EBF1: variants seen among roughly 807,000 people sequenced by gnomAD.
EBF1 encodes EBF transcription factor 1.
A neutral mutation model predicts 68.4 loss-of-function variants in EBF1; 10 were observed. The observed-to-expected ratio is 0.15, with a 90% CI of 0.09 to 0.25. The LOEUF (loss-of-function observed/expected upper bound fraction) is 0.25, where lower values mean the gene tolerates loss of function less well. Ranked by LOEUF, EBF1 falls within the 10% of genes least tolerant of loss-of-function variation. EBF1 has a pLI of 1.00. For synonymous variants in EBF1, 298 were observed against 299.8 expected (o/e 0.99, Z 0.06); for missense variants, 509 against 794.4 (o/e 0.64, Z 4.32).
chr5:158,938,362 G>T (rs1245200491), intron 6 of EBF1, among the ~76,000 whole-genome samples: 1 of 152,052 alleles, frequency 6.6e-6, no homozygotes, highest in African/African-American at 2.4e-5. Flanking sequence ...CTCTGCTCCA[G>T]CATTATAAGC....
intron 4 of EBF1, among the ~76,000 whole-genome samples, chr5:159,091,653 T>C (rs575888462): frequency 4.6e-5 from 7 of 152,332 alleles, no homozygotes; most frequent in African/African-American, 1.7e-4. Context: ...CAAATCTATG[T>C]AGCCATGGCA....
Position 158,993,586 on chromosome 5 carries a change from C to CT in EBF1, c.554+79809dup, listed in dbSNP as rs1760806627. Among the ~76,000 whole-genome samples, 5 of 152,170 alleles carry CT rather than the reference C, an allele frequency of 3.3e-5. No individual in the cohort carries two copies. In the South Asian group the frequency reaches 1.0e-3, roughly 32 times the overall value. ...AATATTTGGAGTTAGACATCAACTA[C>CT]TCAAAGGGCAAGTCATTTCACTACT... On this transcript the variant is annotated intron_variant, in intron 6 of 15. Coordinates refer to ENST00000313708, the MANE Select transcript of EBF1 (RefSeq NM_024007.5).
chr5:158,869,869 A>G (rs1796582112), intron 6 of EBF1, among the ~76,000 whole-genome samples: 2 of 152,186 alleles, frequency 1.3e-5, no homozygotes, highest in Admixed American at 6.6e-5. Flanking sequence ...TGAATGAGAA[A>G]GAGGCATGTC....
intron 6 of EBF1, among the ~76,000 whole-genome samples, chr5:158,845,920 C>G (rs1324987922): frequency 6.6e-6 from 1 of 152,176 alleles, no homozygotes. Context: ...TGCAATCAAT[C>G]TGGGCTGAGC....
intron 6 of EBF1, among the ~76,000 whole-genome samples, chr5:159,056,500 CA>C (rs1379677372): frequency 6.6e-6 from 1 of 152,140 alleles, no homozygotes; most frequent in Non-Finnish European, 1.5e-5. Flanking sequence ...GAGACTATGC[CA>C]GGGGCTAATA....
At chr5:158,829,099 T>C (rs1786877450) in intron 7 of EBF1, among the ~76,000 whole-genome samples, 1 of 152,190 alleles carries the variant, frequency 6.6e-6, no homozygotes, top group Non-Finnish European at 1.5e-5. Context: ...TGTATAATAC[T>C]GTAATGATGT....
chr5:159,034,634 G>T (rs1212373714), intron 6 of EBF1, among the ~76,000 whole-genome samples: 1 of 152,110 alleles, frequency 6.6e-6, no homozygotes, highest in African/African-American at 2.4e-5. Flanking sequence ...ACTCCATCTT[G>T]CCTGTACCAT....
intron 6 of EBF1, among the ~76,000 whole-genome samples, chr5:159,057,676 A>G (rs1775027879): frequency 6.6e-6 from 1 of 152,172 alleles, no homozygotes; most frequent in African/African-American, 2.4e-5. Flanking sequence ...TTTGGGCAAC[A>G]TTGCTGTGCT....
At chr5:158,839,937 A>T (rs1197126737) in intron 7 of EBF1, 92 bp downstream of exon 7, 1 of 1,299,370 alleles carries the variant, frequency 7.7e-7, no homozygotes, top group Non-Finnish European at 1.1e-6. Flanking sequence ...ACCTCTGGGA[A>T]AAAAAGCTAC....
At chr5:159,038,423 C>G (rs17056465) in intron 6 of EBF1, among the ~76,000 whole-genome samples, 1 of 152,102 alleles carries the variant, frequency 6.6e-6, no homozygotes, top group East Asian at 1.9e-4. Flanking sequence ...CCTACCTACT[C>G]ATATCAAAGG....
chr5:159,039,007 T>A (rs1407007545), intron 6 of EBF1, among the ~76,000 whole-genome samples: 2 of 152,202 alleles, frequency 1.3e-5, no homozygotes, highest in African/African-American at 4.8e-5. Flanking sequence ...GTTTACTTCC[T>A]TTAGAAAATT....
At chr5:158,917,546 T>A (rs1807482295) in intron 6 of EBF1, among the ~76,000 whole-genome samples, 1 of 152,194 alleles carries the variant, frequency 6.6e-6, no homozygotes, top group Non-Finnish European at 1.5e-5. Flanking sequence ...TACACACTTG[T>A]TAGTGGTTAT....
chr5:158,989,722 G>T (rs1284082392), intron 6 of EBF1, among the ~76,000 whole-genome samples: 1 of 150,738 alleles, frequency 6.6e-6, no homozygotes, highest in Admixed American at 6.6e-5. Context: ...GAGGTCAAGT[G>T]CCTATCACAG....
chr5:158,935,349 C>T lies in EBF1; in HGVS notation c.555-95239G>A, dbSNP rs114095875. On this transcript the variant is annotated intron_variant, in intron 6 of 15. Coordinates refer to ENST00000313708, the MANE Select transcript of EBF1 (RefSeq NM_024007.5). ...AGGAGCTGAGGACACATTCCGGAGA[C>T]GCAAATGTGCTGCTGCAGCACAGCC... is the stretch of plus-strand genomic sequence containing the variant. Among the ~76,000 whole-genome samples the T allele has an allele frequency of 3.7e-3, 557 of 152,292 alleles. 4 individuals are homozygous for T. The highest frequency in any genetic ancestry group is 0.012 in the African/African-American group (517 of 41,544).
intron 6 of EBF1, among the ~76,000 whole-genome samples, chr5:159,031,201 T>C (rs1177039669): frequency 6.6e-6 from 1 of 151,728 alleles, no homozygotes; most frequent in Non-Finnish European, 1.5e-5. Flanking sequence ...AAGAAAAGAG[T>C]ACAGCCCAGG....
intron 6 of EBF1, among the ~76,000 whole-genome samples, chr5:158,996,827 C>T (rs1397691657): frequency 6.6e-6 from 1 of 152,180 alleles, no homozygotes; most frequent in African/African-American, 2.4e-5. Flanking sequence ...AGCTAGCAAA[C>T]TTTTAAATGA....
At chr5:158,935,793 GACAA>G (rs1811885581) in intron 6 of EBF1, among the ~76,000 whole-genome samples, 1 of 152,088 alleles carries the variant, frequency 6.6e-6, no homozygotes, top group Non-Finnish European at 1.5e-5. Flanking sequence ...ACAAATTCAT[GACAA>G]ACACCCACTC....
intron 6 of EBF1, among the ~76,000 whole-genome samples, chr5:158,940,825 C>G (rs893774955): frequency 7.3e-6 from 1 of 137,200 alleles, no homozygotes; most frequent in Non-Finnish European, 1.5e-5. Context: ...GAATCCCCAA[C>G]AGAGGACACT....
chr5:158,866,682 C>T (rs886173091), intron 6 of EBF1, among the ~76,000 whole-genome samples: 2 of 151,526 alleles, frequency 1.3e-5, no homozygotes, highest in Admixed American at 6.6e-5. Flanking sequence ...AACATGTCGG[C>T]GTTTATGAGT....
Sources: gnomAD v4.1 joint callset for allele counts (sites outside exome capture counted in the v4.1 genomes callset) on GRCh38, gnomAD v4.1.1 for gene constraint, MANE v1.5 for transcripts, NCBI Gene and HGNC (gene_info 2026-07-23, HGNC 2026-07-21) for gene names.